The following THTPA variants were observed in gnomAD, a reference collection of about 807,000 sequenced individuals.
The protein encoded by THTPA is thiamine triphosphatase, also known as thiamine-triphosphatase.
THTPA carries 16 observed loss-of-function variants against 16.5 expected under a neutral mutation model. The observed-to-expected ratio is 0.97, with a 90% CI of 0.66 to 1.47. The LOEUF is 1.47. THTPA is among the 40% of genes most tolerant of loss of function. THTPA has a pLI of 0.00. For missense variants in THTPA, 281 were observed against 280.9 expected, an observed-to-expected ratio of 1.00 and a Z score of 0.00; for synonymous variants, 110 against 115.5, an observed-to-expected ratio of 0.95 and a Z score of 0.30.
At chr14:23,519,593 A>G in the THTPA span, among the ~76,000 whole-genome samples, 1 of 152,176 alleles carries the variant, frequency 6.6e-6, no homozygotes, top group African/African-American at 2.4e-5. Context: ...GAATTACAAA[A>G]CTAACTCCGC....
the THTPA span, chr14:23,524,080 AGT>A: frequency 6.6e-7 from 1 of 1,526,344 alleles, no homozygotes; most frequent in Non-Finnish European, 8.8e-7. This position sits in a 1 kb window ranked among gnomAD's most constrained non-coding sequence, Gnocchi z 5.6. Flanking sequence ...CTTCCCTCCC[AGT>A]GCCATCATCT....
the THTPA span, among the ~76,000 whole-genome samples, chr14:23,528,135 C>T: frequency 2.0e-5 from 3 of 152,162 alleles, no homozygotes; most frequent in Admixed American, 2.0e-4. Context: ...TCTTGAACTC[C>T]TGATGCCAGG....
chr14:23,526,999 T>G, the THTPA span: 1 of 1,480,944 alleles, frequency 6.8e-7, no homozygotes, highest in Non-Finnish European at 8.9e-7. Context: ...GCCTAGTGGC[T>G]TCACCACCAC....
the THTPA span, among the ~76,000 whole-genome samples, chr14:23,548,153 TCTC>T: frequency 6.6e-6 from 1 of 152,106 alleles, no homozygotes; most frequent in African/African-American, 2.4e-5. Context: ...ACAAAGCCCT[TCTC>T]CTTTCACATT....
At chr14:23,555,619 T>C (rs1420934718), upstream of THTPA, 1 of 152,022 alleles carries the variant, frequency 6.6e-6, no homozygotes, top group Non-Finnish European at 1.5e-5. Flanking sequence ...AGGTATTAGA[T>C]CCCCTCTAAA....
At chr14:23,535,230 G>A in the THTPA span, 16 of 1,522,424 alleles carry the variant, frequency 1.1e-5, no homozygotes, top group Non-Finnish European at 1.4e-5. The surrounding 1 kb of genome is among the most constrained non-coding windows in gnomAD (Gnocchi z 4.5). Flanking sequence ...GATCAGAGGG[G>A]GTGCTGGAGG....
At position 23,559,020 on chromosome 14, in the gene THTPA, G is replaced by T. The variant is rs1015964492; in HGVS notation, c.*180G>T. 16 of 717,900 alleles carry T rather than the reference G, an allele frequency of 2.2e-5. No individual in the cohort carries two copies. The highest frequency in any genetic ancestry group is 3.3e-5 in the Non-Finnish European group (15 of 448,296). The allele number at this position is 717,900 out of a possible 1,614,324, so 44.5% of individuals were successfully genotyped here. On this transcript the variant is annotated 3_prime_UTR_variant, in exon 2 of 2. Coordinates refer to ENST00000288014, the MANE Select transcript of THTPA (RefSeq NM_024328.6). ...GAGCCCTCCCTGGCTGCTTCCTCTC[G>T]CTCATCCGTCAGATGCAATCTGTGG...
chr14:23,548,731 T>C, the THTPA span, among the ~76,000 whole-genome samples: 1 of 152,244 alleles, frequency 6.6e-6, no homozygotes, highest in Non-Finnish European at 1.5e-5. Flanking sequence ...TCTCTCTCTC[T>C]CTGTCTCTTC....
chr14:23,544,462 C>T, the THTPA span, among the ~76,000 whole-genome samples: 1 of 152,166 alleles, frequency 6.6e-6, no homozygotes, highest in Non-Finnish European at 1.5e-5. Context: ...TGTGGGGCAG[C>T]TGGTAACCTG....
upstream of THTPA, among the ~76,000 whole-genome samples, chr14:23,553,893 C>G (rs1029548311): frequency 5.3e-5 from 8 of 149,596 alleles, no homozygotes; most frequent in Admixed American, 4.0e-4. Flanking sequence ...GACTCCGTCT[C>G]AAACAAACAA....
chr14:23,551,966 C>T (rs1881998687), upstream of THTPA, among the ~76,000 whole-genome samples: 1 of 152,234 alleles, frequency 6.6e-6, no homozygotes, highest in Admixed American at 6.5e-5. This position sits in a 1 kb window ranked among gnomAD's most constrained non-coding sequence, Gnocchi z 5.3. Flanking sequence ...CCTTTAAACT[C>T]TTTTCCGTCT....
chr14:23,548,868 C>T, the THTPA span, among the ~76,000 whole-genome samples: 37 of 152,316 alleles, frequency 2.4e-4, 3 homozygotes, highest in South Asian at 2.7e-3. Context: ...AGTGCTCTCG[C>T]TCTCTTCGCA....
the THTPA span, among the ~76,000 whole-genome samples, chr14:23,520,687 G>GGGGAGGGCTTAGCAA: frequency 1.3e-5 from 2 of 152,124 alleles, no homozygotes; most frequent in African/African-American, 4.8e-5. The surrounding 1 kb of genome is among the most constrained non-coding windows in gnomAD (Gnocchi z 8.7). Flanking sequence ...GCGCATAGCA[G>GGGGAGGGCTTAGCAA]GGGAGGGCTG....
rs773609714 is a variant in THTPA, at chr14:23,560,263, C to T, written c.*1423C>T. ...CTCTGATCTTTACAAACCTTGGGCA[C>T]AGCAGCCTGGCAGATGAAATGGGTG... On this transcript the variant is annotated 3_prime_UTR_variant, in exon 2 of 2. Coordinates refer to ENST00000288014, the MANE Select transcript of THTPA (RefSeq NM_024328.6). 5.0e-6 allele frequency: 8 copies of T among 1,613,376 alleles called. No homozygotes were observed. The highest frequency in any genetic ancestry group is 6.8e-6 in the Non-Finnish European group (8 of 1,180,020).
chr14:23,527,776 A>G, the THTPA span: 3 of 1,536,144 alleles, frequency 2.0e-6, no homozygotes, highest in South Asian at 3.6e-5. Flanking sequence ...CTCTGGGCTC[A>G]GGAAGCTGCA....
chr14:23,520,337 G>A, the THTPA span, among the ~76,000 whole-genome samples: 1 of 151,912 alleles, frequency 6.6e-6, no homozygotes, highest in African/African-American at 2.4e-5. This position sits in a 1 kb window ranked among gnomAD's most constrained non-coding sequence, Gnocchi z 8.7. Context: ...AGAGGACAAG[G>A]GGGAAGAAAA....
chr14:23,515,684 G>A, the THTPA span, among the ~76,000 whole-genome samples: 11 of 152,164 alleles, frequency 7.2e-5, no homozygotes, highest in African/African-American at 2.7e-4. Context: ...TGGGTGATGT[G>A]GAGGGGAGGC....
the THTPA span, among the ~76,000 whole-genome samples, chr14:23,541,900 A>G: frequency 6.6e-6 from 1 of 152,128 alleles, no homozygotes; most frequent in Non-Finnish European, 1.5e-5. Flanking sequence ...AATTCTACCT[A>G]TCTCTTCTAG....
At chr14:23,524,093 A>G in the THTPA span, 1 of 1,532,454 alleles carries the variant, frequency 6.5e-7, no homozygotes, top group Non-Finnish European at 8.7e-7. The surrounding 1 kb of genome is among the most constrained non-coding windows in gnomAD (Gnocchi z 5.6). Flanking sequence ...GCCATCATCT[A>G]CCTTGCCTAA....
Sources: gnomAD v4.1 joint callset for allele counts (sites outside exome capture counted in the v4.1 genomes callset) on GRCh38, gnomAD v4.1.1 for gene constraint, Gnocchi (gnomAD v3.1) non-coding constraint, MANE v1.5 for transcripts, NCBI Gene and HGNC (gene_info 2026-07-23, HGNC 2026-07-21) for gene names.